LRRTM4: variants seen among roughly 807,000 people sequenced by gnomAD.
The protein encoded by LRRTM4 is leucine rich repeat transmembrane neuronal 4.
Under a neutral mutation model 47.6 loss-of-function variants are expected in LRRTM4, and 25 were observed. The ratio of observed to expected loss-of-function variants is 0.53; its 90% CI spans 0.38 to 0.73. The LOEUF (loss-of-function observed/expected upper bound fraction) is 0.73, where lower values mean the gene tolerates loss of function less well. Ranked by LOEUF, LRRTM4 falls within the 30% of genes least tolerant of loss-of-function variation. The pLI, the probability that LRRTM4 is intolerant of heterozygous loss-of-function variation, is 0.00. For missense variants in LRRTM4, 638 were observed against 713.4 expected (o/e 0.89, Z 1.20); for synonymous variants, 311 against 269.5 (o/e 1.15, Z -1.51).
chr2:77,293,058 G>C (rs1316591022), intron 3 of LRRTM4, among the ~76,000 whole-genome samples: 1 of 151,894 alleles, frequency 6.6e-6, no homozygotes, highest in Non-Finnish European at 1.5e-5. Context: ...AGTACATTGA[G>C]CTTGTATACT....
intron 3 of LRRTM4, among the ~76,000 whole-genome samples, chr2:77,448,214 C>T (rs1676126681): frequency 6.6e-6 from 1 of 152,002 alleles, no homozygotes; most frequent in African/African-American, 2.4e-5. Context: ...TATGAATCAG[C>T]TGTTGTGATG....
intron 3 of LRRTM4, among the ~76,000 whole-genome samples, chr2:77,468,226 A>G (rs1677053183): frequency 6.6e-6 from 1 of 152,144 alleles, no homozygotes; most frequent in South Asian, 2.1e-4. Context: ...TCAATTATTT[A>G]TATGTTTAGG....
At chr2:77,156,161 A>T (rs1043953221) in intron 3 of LRRTM4, among the ~76,000 whole-genome samples, 1 of 152,128 alleles carries the variant, frequency 6.6e-6, no homozygotes, top group Non-Finnish European at 1.5e-5. Context: ...GCACTCAGTT[A>T]AAAAGAATTA....
In LRRTM4 at chr2:77,093,971, C is replaced by G. The variant is rs1049037974; in HGVS notation, c.1552-345055G>C. 1.3e-5 allele frequency among the ~76,000 whole-genome samples: 2 copies of G among 149,724 alleles called. 1 individual carries two copies. Among genetic ancestry groups the G allele is most frequent in the African/African-American group, 5.1e-5 (2 of 39,412 alleles). ...CGCTTTGACTGCAATTTTCCTTTAC[C>G]TACCCAAATCCTATAAAACTGCCCC... On this transcript the variant is annotated intron_variant, in intron 3 of 3. Transcript: ENST00000409884.
intron 3 of LRRTM4, among the ~76,000 whole-genome samples, chr2:77,246,428 T>G (rs1002128219): frequency 6.6e-6 from 1 of 152,144 alleles, no homozygotes; most frequent in Non-Finnish European, 1.5e-5. Flanking sequence ...GTATTGTGCA[T>G]CTGTGCTGTT....
intron 3 of LRRTM4, among the ~76,000 whole-genome samples, chr2:76,910,796 C>T (rs1454380556): frequency 6.6e-6 from 1 of 152,156 alleles, no homozygotes; most frequent in African/African-American, 2.4e-5. Context: ...CTTCCAGTTT[C>T]TCTTATTTTT....
intron 3 of LRRTM4, among the ~76,000 whole-genome samples, chr2:77,477,145 A>T (rs772234409): frequency 1.6e-4 from 25 of 152,092 alleles, no homozygotes; most frequent in Non-Finnish European, 3.5e-4. Flanking sequence ...TAGACCATAT[A>T]AGGCATTCAT....
intron 3 of LRRTM4, among the ~76,000 whole-genome samples, chr2:77,351,614 T>TTATATATATATATATATATATATA (rs71656252): frequency 2.1e-4 from 29 of 135,400 alleles, no homozygotes; most frequent in African/African-American, 8.1e-4. Context: ...CATGACAAAT[T>TTATATATATATATATATATATATA]TATATATATA....
intron 3 of LRRTM4, among the ~76,000 whole-genome samples, chr2:77,284,707 T>G (rs369213937): frequency 6.6e-6 from 1 of 152,152 alleles, no homozygotes; most frequent in African/African-American, 2.4e-5. Context: ...AAAGTCCTTC[T>G]GTGCTCCTTT....
intron 3 of LRRTM4, among the ~76,000 whole-genome samples, chr2:77,143,856 G>A (rs564575563): frequency 6.6e-6 from 1 of 152,162 alleles, no homozygotes; most frequent in Non-Finnish European, 1.5e-5. Context: ...GCCAAGTCCT[G>A]ATACTGCCTG....
At chr2:77,295,966 T>A (rs1207463091) in intron 3 of LRRTM4, among the ~76,000 whole-genome samples, 1 of 152,216 alleles carries the variant, frequency 6.6e-6, no homozygotes, top group Non-Finnish European at 1.5e-5. Flanking sequence ...GATTTGATAA[T>A]ATAACCTGTC....
intron 3 of LRRTM4, among the ~76,000 whole-genome samples, chr2:76,802,267 A>C (rs1338703827): frequency 1.3e-5 from 2 of 151,806 alleles, no homozygotes; most frequent in East Asian, 3.9e-4. Context: ...GAATAAATAA[A>C]GTAAGTAAAG....
intron 3 of LRRTM4, among the ~76,000 whole-genome samples, chr2:77,177,250 T>C (rs1673224617): frequency 6.6e-6 from 1 of 152,184 alleles, no homozygotes; most frequent in Non-Finnish European, 1.5e-5. Flanking sequence ...CCACATGGTC[T>C]CCTGGGCTGA....
intron 3 of LRRTM4, among the ~76,000 whole-genome samples, chr2:77,288,452 T>C (rs531129140): frequency 3.9e-5 from 6 of 151,964 alleles, no homozygotes; most frequent in South Asian, 2.1e-4. Flanking sequence ...GAAGGAAAGA[T>C]AAATATAAAA....
chr2:76,978,537 TAGAG>T (rs1194579467), intron 3 of LRRTM4, among the ~76,000 whole-genome samples: 15 of 152,068 alleles, frequency 9.9e-5, no homozygotes, highest in Admixed American at 3.3e-4. Flanking sequence ...ATGGATGAGA[TAGAG>T]AGACATGGAA....
intron 3 of LRRTM4, among the ~76,000 whole-genome samples, chr2:77,129,746 G>A (rs912018778): frequency 1.3e-5 from 2 of 152,176 alleles, no homozygotes; most frequent in African/African-American, 2.4e-5. Context: ...TTCAGACCCA[G>A]ATGGTGTGTT....
chr2:77,069,119 C>T (rs191930605), intron 3 of LRRTM4, among the ~76,000 whole-genome samples: 220 of 152,198 alleles, frequency 1.4e-3, no homozygotes, highest in African/African-American at 5.0e-3. Flanking sequence ...CTATTCGAGG[C>T]TTTCAACTCT....
At chr2:77,004,385 A>G (rs1677554817) in intron 3 of LRRTM4, among the ~76,000 whole-genome samples, 1 of 152,208 alleles carries the variant, frequency 6.6e-6, no homozygotes. Flanking sequence ...ATCTTGGGAC[A>G]TGGCTTGAGA....
At chr2:77,491,560 A>G (rs1678163145) in intron 3 of LRRTM4, among the ~76,000 whole-genome samples, 1 of 152,080 alleles carries the variant, frequency 6.6e-6, no homozygotes, top group Non-Finnish European at 1.5e-5. Context: ...ACGATGGGGC[A>G]ACACTGAGAG....
Sources: gnomAD v4.1 joint callset for allele counts (sites outside exome capture counted in the v4.1 genomes callset) on GRCh38, gnomAD v4.1.1 for gene constraint, MANE v1.5 for transcripts, NCBI Gene and HGNC (gene_info 2026-07-23, HGNC 2026-07-21) for gene names.